NWD1: variants seen among roughly 807,000 people sequenced by gnomAD.
The protein encoded by NWD1 is NACHT domain- and WD repeat-containing protein 1.
In NWD1, 129 loss-of-function variants were observed where a neutral mutation model predicts 135.1. The ratio of observed to expected loss-of-function variants is 0.96; its 90% confidence interval spans 0.83 to 1.11. NWD1 has a LOEUF of 1.11. Ranked by LOEUF, NWD1 falls within the 50% of genes least tolerant of loss-of-function variation. NWD1 has a pLI of 0.00. For synonymous variants in NWD1, 773 were observed against 786.0 expected (o/e 0.98, Z 0.28); for missense variants, 1,740 against 1,851.3 (o/e 0.94, Z 1.10).
intron 4 of NWD1, among the ~76,000 whole-genome samples, chr19:16,737,182 A>G (rs1049040020): frequency 4.6e-5 from 7 of 151,884 alleles, no homozygotes; most frequent in African/African-American, 1.5e-4. Context: ...CTCTCTTCCA[A>G]TTGCACCCCT....
At chr19:16,742,881 C>CTATTATTAT (rs34646876) in intron 4 of NWD1, among the ~76,000 whole-genome samples, 159 of 132,954 alleles carry the variant, frequency 1.2e-3, no homozygotes, top group African/African-American at 1.5e-3. Flanking sequence ...ACTATGTTGC[C>CTATTATTAT]TATTATTATT....
chr19:16,795,194 G>A (rs995301555), intron 15 of NWD1, among the ~76,000 whole-genome samples: 5 of 152,186 alleles, frequency 3.3e-5, no homozygotes, highest in Non-Finnish European at 7.3e-5. Context: ...GGCCCAGCCC[G>A]CGGCTCCCAT....
intron 12 of NWD1, among the ~76,000 whole-genome samples, chr19:16,781,832 C>T (rs1969863488): frequency 6.6e-6 from 1 of 152,200 alleles, no homozygotes; most frequent in East Asian, 1.9e-4. Flanking sequence ...GTGGCTCACG[C>T]TTGTAATCTC....
chr19:16,790,009 T>C (rs10415430), intron 13 of NWD1, among the ~76,000 whole-genome samples: 7,150 of 152,280 alleles, frequency 0.047, 221 homozygotes, highest in African/African-American at 0.091. Context: ...TGAGCCATCA[T>C]GCCTAGCTTG....
chr19:16,744,750 C>T, intron 5 of NWD1, 32 bp downstream of exon 5: 1 of 1,512,208 alleles, frequency 6.6e-7, no homozygotes, highest in Non-Finnish European at 8.9e-7. Flanking sequence ...TCTGGAGACC[C>T]ACAAGAAACT....
chr19:16,733,221 T>TA (rs111623091), intron 3 of NWD1, among the ~76,000 whole-genome samples: 73 of 138,830 alleles, frequency 5.3e-4, no homozygotes, highest in South Asian at 1.6e-3. Flanking sequence ...ATGCTGTCTT[T>TA]AAAAAAAAAA....
intron 1 of NWD1, among the ~76,000 whole-genome samples, chr19:16,720,747 G>T (rs1287413520): frequency 2.0e-5 from 3 of 152,088 alleles, no homozygotes; most frequent in African/African-American, 7.2e-5. Context: ...TAGAGACGGG[G>T]TTTCACCGTG....
chr19:16,725,313 ATT>A (rs879497787), intron 2 of NWD1, among the ~76,000 whole-genome samples: 1 of 145,496 alleles, frequency 6.9e-6, no homozygotes. Flanking sequence ...CTCTACACAA[ATT>A]TTTTTTTTTT....
chr19:16,753,147 G>T (rs545259205), intron 6 of NWD1, among the ~76,000 whole-genome samples: 2 of 152,150 alleles, frequency 1.3e-5, no homozygotes, highest in Non-Finnish European at 2.9e-5. Context: ...TCCCTCTGGG[G>T]TCCTCTCTGC....
In NWD1 at chr19:16,719,942, G is replaced by A. The variant is rs1967079442; in HGVS notation, c.-456G>A. On this transcript the variant is annotated 5_prime_UTR_variant, in exon 1 of 19. Coordinates refer to ENST00000524140, the MANE Select transcript of NWD1 (RefSeq NM_001007525.5). ...GGCTTGTCTTCCGGGTGGCGCCGAG[G>A]CCAGGAAACTGTCCTCTCTAACCTA... The A allele has an allele frequency of 1.3e-5, 2 of 152,188 alleles. No individual in the cohort carries two copies. Among genetic ancestry groups the A allele is most frequent in the South Asian group, 4.1e-4 (2 of 4,828 alleles). The allele number at this position is 152,188 out of a possible 1,614,324, so 9.4% of individuals were successfully genotyped here. A position where few individuals can be genotyped will look rare whatever the true frequency, so the allele number is the denominator to read the frequency against.
chr19:16,810,951 C>T (rs66554819), intron 18 of NWD1, among the ~76,000 whole-genome samples: 20,144 of 152,030 alleles, frequency 0.13, 1,582 homozygotes, highest in East Asian at 0.32. Flanking sequence ...CTGTAGCCTC[C>T]GCCTCCTGGG....
chr19:16,728,861 G>A (rs921923856), intron 2 of NWD1, among the ~76,000 whole-genome samples: 6 of 150,856 alleles, frequency 4.0e-5, no homozygotes, highest in African/African-American at 7.3e-5. Flanking sequence ...AGAGAATGGC[G>A]TGAACCCAGG....
At chr19:16,799,134 C>T (rs1970516044) in intron 16 of NWD1, among the ~76,000 whole-genome samples, 1 of 152,078 alleles carries the variant, frequency 6.6e-6, no homozygotes, top group African/African-American at 2.4e-5. Context: ...CTTGAACTTA[C>T]AGCCTGAAAA....
intron 5 of NWD1, among the ~76,000 whole-genome samples, chr19:16,746,690 C>CAA (rs756038608): frequency 0.049 from 6,179 of 126,666 alleles, 434 homozygotes; most frequent in African/African-American, 0.18. Context: ...AAACAAAAAA[C>CAA]AACAAAAAAA....
chr19:16,794,582 G>A (rs1470708865), intron 15 of NWD1, 29 bp downstream of exon 15: 4 of 1,448,998 alleles, frequency 2.8e-6, no homozygotes, highest in Non-Finnish European at 3.8e-6. Context: ...TTGGAGTAGT[G>A]AGGAAGCTAA....
chr19:16,810,172 T>C (rs1185910277), intron 18 of NWD1, among the ~76,000 whole-genome samples: 1 of 152,118 alleles, frequency 6.6e-6, no homozygotes. Context: ...GCACCATGGC[T>C]CACACCTGTA....
intron 13 of NWD1, among the ~76,000 whole-genome samples, chr19:16,789,435 A>G (rs1328877586): frequency 1.3e-5 from 2 of 152,176 alleles, no homozygotes; most frequent in East Asian, 3.8e-4. Flanking sequence ...TCAGCATTTT[A>G]GGGCTATAAA....
intron 12 of NWD1, among the ~76,000 whole-genome samples, chr19:16,783,988 T>G (rs1969953031): frequency 6.6e-6 from 1 of 152,106 alleles, no homozygotes. Flanking sequence ...GCGGATCACC[T>G]GAGGTCAGGA....
intron 2 of NWD1, among the ~76,000 whole-genome samples, chr19:16,725,003 TA>T (rs1967270560): frequency 8.3e-6 from 1 of 120,016 alleles, no homozygotes; most frequent in South Asian, 2.5e-4. Context: ...CAAAAATTTT[TA>T]TTTATTTTTT....
Sources: allele counts gnomAD v4.1 joint callset (sites outside exome capture counted in the v4.1 genomes callset), GRCh38; gene constraint gnomAD v4.1.1; transcripts MANE v1.5; gene names NCBI Gene and HGNC (gene_info 2026-07-23, HGNC 2026-07-21).